Variants in STAT1 observed in about 807,000 individuals in gnomAD.
The protein encoded by STAT1 is signal transducer and activator of transcription 1, also known as signal transducer and activator of transcription 1-alpha/beta.
A neutral mutation model predicts 111.7 loss-of-function variants in STAT1; 24 were observed. The ratio of observed to expected loss-of-function variants is 0.21; its 90% CI spans 0.16 to 0.30. The LOEUF is 0.30. Among genes scored for constraint, STAT1 ranks in the 10% least tolerant of loss-of-function variants. The pLI, the probability that STAT1 is intolerant of heterozygous loss-of-function variation, is 1.00. For synonymous variants in STAT1, 332 were observed against 326.5 expected, an observed-to-expected ratio of 1.02 and a Z score of -0.18; for missense variants, 351 against 911.9, an observed-to-expected ratio of 0.38 and a Z score of 7.92.
In STAT1 at chr2:190,997,793, T is replaced by C. The variant is rs2125069576; in HGVS notation, c.785+63A>G. 1 of 1,609,674 alleles carries C rather than the reference T, an allele frequency of 6.2e-7. No individual in the cohort carries two copies. The highest frequency in any genetic ancestry group is 8.5e-7 in the Non-Finnish European group (1 of 1,177,780). On this transcript the variant is annotated intron_variant, in intron 9 of 24. Transcript: ENST00000361099. The surrounding 1 kb of genome is among the most constrained non-coding windows in gnomAD (Gnocchi z 7.3). ...CCATTCAACTAACACAGCTCAAAGGTACATTTATGTGTTTATGTGGTTAGC... is the reference window on the plus strand; with the variant it reads ...CCATTCAACTAACACAGCTCAAAGGCACATTTATGTGTTTATGTGGTTAGC...
At chr2:190,985,270 G>A (rs190264622) in intron 15 of STAT1, among the ~76,000 whole-genome samples, 36 of 152,312 alleles carry the variant, frequency 2.4e-4, no homozygotes, top group African/African-American at 7.5e-4. Context: ...GTGGCCTCTC[G>A]TTCCAACTCT....
In STAT1 at chr2:190,970,835, C is replaced by T; in HGVS notation, c.2239-118G>A. 3 of 962,986 alleles carry T rather than the reference C, an allele frequency of 3.1e-6. No homozygotes were observed. Among genetic ancestry groups the T allele is most frequent in the Non-Finnish European group, 4.9e-6 (3 of 607,194 alleles). 59.7% of individuals were successfully genotyped at this position (962,986 alleles called of 1,614,324 possible). On this transcript the variant is annotated intron_variant, in intron 24 of 24. Transcript: ENST00000361099. This position sits in a 1 kb window ranked among gnomAD's most constrained non-coding sequence, Gnocchi z 5.4. ...AGTAGTAGGAAGATACTTGCAATGG[C>T]AAATAAATACCGTGGAATAAGAGGG...
rs564897518 is a variant in STAT1, at chr2:190,978,792, C to T, written c.1873+64G>A. ...CGCACTATCTGTATGAGCTGACTGG[C>T]GGCGATGAAGAGGGACTTCACACAC... On this transcript the variant is annotated intron_variant, in intron 21 of 24. Coordinates refer to ENST00000361099, the MANE Select transcript of STAT1 (RefSeq NM_007315.4). The surrounding 1 kb of genome is among the most constrained non-coding windows in gnomAD (Gnocchi z 6.1). The T allele has an allele frequency of 2.4e-4, 376 of 1,591,812 alleles. No homozygotes were observed. The highest frequency in any genetic ancestry group is 1.2e-3 in the Middle Eastern group (6 of 4,836).
In STAT1 at chr2:191,003,427, T is replaced by G. The variant is rs1046861263; in HGVS notation, c.373-2264A>C. ...GTGTCCCCACCCAAATCTCATGAAT[T>G]GTAATCCCCATTGTTGGAGGTGGGG... On this transcript the variant is annotated intron_variant, in intron 5 of 24. Transcript: ENST00000361099. The surrounding 1 kb of genome is among the most constrained non-coding windows in gnomAD (Gnocchi z 4.0). 1.3e-5 allele frequency among the ~76,000 whole-genome samples: 2 copies of G among 152,226 alleles called. No homozygotes were observed. Among genetic ancestry groups the G allele is most frequent in the Admixed American group, 1.3e-4 (2 of 15,286 alleles).
rs571315523 is a variant in STAT1, at chr2:190,979,053, A to G, written c.1728-52T>C. The stretch of plus-strand genomic sequence containing the variant: ...GGCTTTTAGTTCAATCATGATTTCC[A>G]TTTTCATGCTAACTTACAAACCAAG... On this transcript the variant is annotated intron_variant, in intron 20 of 24. Transcript: ENST00000361099. The surrounding 1 kb of genome is among the most constrained non-coding windows in gnomAD (Gnocchi z 5.8). 10 of 1,610,938 alleles carry G rather than the reference A, an allele frequency of 6.2e-6. No homozygotes were observed. In the South Asian group the frequency reaches 9.9e-5, roughly 16 times the overall value.
At chr2:190,991,801 G>A (rs1693363432) in intron 10 of STAT1, among the ~76,000 whole-genome samples, 1 of 151,916 alleles carries the variant, frequency 6.6e-6, no homozygotes. Context: ...AGGCTGAAGT[G>A]AGCCATGATC....
Position 191,000,098 on chromosome 2 carries a change from G to A in STAT1, c.463-394C>T, listed in dbSNP as rs1574662995. Among the ~76,000 whole-genome samples, 2 of 152,326 alleles carry A rather than the reference G, an allele frequency of 1.3e-5. 1 individual carries two copies. Among genetic ancestry groups the A allele is most frequent in the Admixed American group, 1.3e-4 (2 of 15,298 alleles). ...CTCATTCCTTCCAAGTAAGAAAAGT[G>A]ACCATACATCCCTGCTTTACCGGGA... On this transcript the variant is annotated intron_variant, in intron 6 of 24. Transcript: ENST00000361099. The surrounding 1 kb of genome is among the most constrained non-coding windows in gnomAD (Gnocchi z 4.8).
chr2:191,003,335 T>C lies in STAT1; in HGVS notation c.373-2172A>G, dbSNP rs988384957. Among the ~76,000 whole-genome samples the C allele has an allele frequency of 1.3e-5, 2 of 152,230 alleles. No homozygotes were observed. The highest frequency in any genetic ancestry group is 2.9e-5 in the Non-Finnish European group (2 of 68,040). The stretch of plus-strand genomic sequence containing the variant: ...GGAATAAGTTGTCACTTTGAGGAGT[T>C]CCATACAGCTTTCTGCCTGTGCAGG... On this transcript the variant is annotated intron_variant, in intron 5 of 24. Coordinates refer to ENST00000361099, the MANE Select transcript of STAT1 (RefSeq NM_007315.4). This position sits in a 1 kb window ranked among gnomAD's most constrained non-coding sequence, Gnocchi z 4.0.
chr2:190,999,610 A>T lies in STAT1; in HGVS notation c.541+16T>A. On this transcript the variant is annotated intron_variant, in intron 7 of 24. Coordinates refer to ENST00000361099, the MANE Select transcript of STAT1 (RefSeq NM_007315.4). This position sits in a 1 kb window ranked among gnomAD's most constrained non-coding sequence, Gnocchi z 4.1. ...AATTGCAGCCAACGGGCACCACTTC[A>T]GTTGTGAACCCTTACCTCTGTTCTG... is the stretch of plus-strand genomic sequence containing the variant. The T allele has an allele frequency of 6.2e-7, 1 of 1,601,454 alleles. No homozygotes were observed. The highest frequency in any genetic ancestry group is 8.6e-7 in the Non-Finnish European group (1 of 1,168,554).
chr2:190,980,444 C>T lies in STAT1; in HGVS notation c.1632+176G>A, dbSNP rs952089791. Among the ~76,000 whole-genome samples, 5 of 152,230 alleles carry T rather than the reference C, an allele frequency of 3.3e-5. No homozygotes were observed. The highest frequency in any genetic ancestry group is 1.3e-4 in the Admixed American group (2 of 15,286). On this transcript the variant is annotated intron_variant, in intron 19 of 24. Transcript: ENST00000361099. The surrounding 1 kb of genome is among the most constrained non-coding windows in gnomAD (Gnocchi z 6.1). Reference sequence around the variant, plus strand: ...AGGTGCTTCCTGTCAGACTCCTGCTCGGAGACCAACCTCCTGCACTGAAGA... The same window carrying T: ...AGGTGCTTCCTGTCAGACTCCTGCTTGGAGACCAACCTCCTGCACTGAAGA...
intron 5 of STAT1, among the ~76,000 whole-genome samples, chr2:191,002,610 T>C (rs1559021932): frequency 6.6e-6 from 1 of 152,184 alleles, no homozygotes; most frequent in African/African-American, 2.4e-5. Context: ...AGCTAACATC[T>C]TTATGATGTT....
chr2:190,989,472 G>C lies in STAT1; in HGVS notation c.1097+143C>G. ...GTCAGGACTCTGGGTTCAGCCCTGG[G>C]GCCCTAGGGAGGCAAACTTCCACCC... On this transcript the variant is annotated intron_variant, in intron 12 of 24. Transcript: ENST00000361099. This position sits in a 1 kb window ranked among gnomAD's most constrained non-coding sequence, Gnocchi z 5.0. 1.7e-6 allele frequency: 1 copy of C among 579,400 alleles called. No homozygotes were observed. The allele number at this position is 579,400 out of a possible 1,614,324, so 35.9% of individuals were successfully genotyped here.
At position 190,973,267 on chromosome 2, in the gene STAT1, C is replaced by T. The variant is rs1277648091; in HGVS notation, c.2238+1563G>A. On this transcript the variant is annotated intron_variant, in intron 24 of 24. Transcript: ENST00000361099. This position sits in a 1 kb window ranked among gnomAD's most constrained non-coding sequence, Gnocchi z 4.4. Reference sequence around the variant, plus strand: ...TTCCAGGATACCGGACAAAAGCATGCACTAGAGACTCACTAGGTAGATTCA... The same window carrying T: ...TTCCAGGATACCGGACAAAAGCATGTACTAGAGACTCACTAGGTAGATTCA... Among the ~76,000 whole-genome samples, 5 of 152,174 alleles carry T rather than the reference C, an allele frequency of 3.3e-5. No individual in the cohort carries two copies. The highest frequency in any genetic ancestry group is 6.5e-5 in the Admixed American group (1 of 15,288).
At position 190,998,010 on chromosome 2, in the gene STAT1, A is replaced by G. The variant is rs1021766483; in HGVS notation, c.634-3T>C. ...TCTATTATTTTGTGAACTACTTCCTAAAGGCAATAGAAGAAACAAAGTGAA... is the reference window on the plus strand; with the variant it reads ...TCTATTATTTTGTGAACTACTTCCTGAAGGCAATAGAAGAAACAAAGTGAA... On this transcript the variant is annotated splice_region_variant and splice_polypyrimidine_tract_variant and intron_variant, in intron 8 of 24. Coordinates refer to ENST00000361099, the MANE Select transcript of STAT1 (RefSeq NM_007315.4). The surrounding 1 kb of genome is among the most constrained non-coding windows in gnomAD (Gnocchi z 4.1). 6.2e-7 allele frequency: 1 copy of G among 1,614,158 alleles called. No individual in the cohort carries two copies. Among genetic ancestry groups the G allele is most frequent in the African/African-American group, 1.3e-5 (1 of 75,060 alleles).
intron 10 of STAT1, among the ~76,000 whole-genome samples, chr2:190,994,712 G>A (rs571143909): frequency 1.3e-5 from 2 of 152,028 alleles, no homozygotes; most frequent in South Asian, 4.2e-4. Flanking sequence ...CCTGAGTTCA[G>A]GAGTTGGAGA....
At position 190,981,536 on chromosome 2, in the gene STAT1, C is replaced by G. The variant is rs1692393553; in HGVS notation, c.1582+847G>C. On this transcript the variant is annotated intron_variant, in intron 18 of 24. Transcript: ENST00000361099. This position sits in a 1 kb window ranked among gnomAD's most constrained non-coding sequence, Gnocchi z 4.1. ...GCTAGAAAAGATATCCTTCTTAACT[C>G]TCACCAAATAAAGAAATGGAATAAG... Among the ~76,000 whole-genome samples, 1 of 152,226 alleles carries G rather than the reference C, an allele frequency of 6.6e-6. No individual in the cohort carries two copies. Among genetic ancestry groups the G allele is most frequent in the Non-Finnish European group, 1.5e-5 (1 of 68,042 alleles).
chr2:191,013,595 G>T lies in STAT1; in HGVS notation c.-72C>A, dbSNP rs938419162. On this transcript the variant is annotated 5_prime_UTR_variant, in exon 2 of 25. Transcript: ENST00000361099. ...AGCAGCTACGCACAGCACGTTAGGT[G>T]CCAAGACTGTCGAGGTTATATACAC... The T allele has an allele frequency of 2.3e-5, 9 of 398,514 alleles. No homozygotes were observed. Among genetic ancestry groups the T allele is most frequent in the Non-Finnish European group, 4.0e-5 (9 of 226,062 alleles). 24.7% of individuals were successfully genotyped at this position (398,514 alleles called of 1,614,324 possible). A position where few individuals can be genotyped will look rare whatever the true frequency, so the allele number is the denominator to read the frequency against.
In STAT1 at chr2:190,985,944, T is replaced by C. The variant is rs193052556; in HGVS notation, c.1222-284A>G. On this transcript the variant is annotated intron_variant, in intron 14 of 24. Coordinates refer to ENST00000361099, the MANE Select transcript of STAT1 (RefSeq NM_007315.4). Reference sequence around the variant, plus strand: ...TCCCTGAATGTTTCCCCATGCACCTTCGTTAACTGTTTCATGCCCTGAGGC... The same window carrying C: ...TCCCTGAATGTTTCCCCATGCACCTCCGTTAACTGTTTCATGCCCTGAGGC... 9.8e-5 allele frequency among the ~76,000 whole-genome samples: 15 copies of C among 152,302 alleles called. No homozygotes were observed. In the East Asian group the frequency reaches 2.9e-3, roughly 29 times the overall value.
chr2:191,013,821 T>C (rs1212764067), intron 1 of STAT1, 143 bp from the exon 2 acceptor site: 1 of 395,414 alleles, frequency 2.5e-6, no homozygotes, highest in African/African-American at 2.1e-5. Flanking sequence ...GCAAGGACAA[T>C]CGTGCTGAGC....
Sources: gnomAD v4.1 joint callset for allele counts (sites outside exome capture counted in the v4.1 genomes callset) on GRCh38, gnomAD v4.1.1 for gene constraint, Gnocchi (gnomAD v3.1) non-coding constraint, MANE v1.5 for transcripts, NCBI Gene and HGNC (gene_info 2026-07-23, HGNC 2026-07-21) for gene names.